The following XKR9 variants were observed in gnomAD, a reference collection of about 807,000 sequenced individuals.
XKR9 encodes XK-related protein 9.
Under a neutral mutation model 32.0 loss-of-function variants are expected in XKR9, and 32 were observed. The ratio of observed to expected loss-of-function variants is 1.00; its 90% CI spans 0.76 to 1.34. The LOEUF is 1.34. Ranked by LOEUF, XKR9 falls within the 40% of genes most tolerant of loss-of-function variation. The pLI, the probability that XKR9 is intolerant of heterozygous loss-of-function variation, is 0.00. For missense variants in XKR9, 546 were observed against 429.7 expected (o/e 1.27, Z -2.39); for synonymous variants, 168 against 143.4 (o/e 1.17, Z -1.22).
chr8:70,917,372 A>G, the XKR9 span, among the ~76,000 whole-genome samples: 1 of 152,230 alleles, frequency 6.6e-6, no homozygotes, highest in Non-Finnish European at 1.5e-5. Context: ...CTGGTGGAAT[A>G]TAAGCCACAG....
At chr8:70,984,003 C>T in the XKR9 span, among the ~76,000 whole-genome samples, 3 of 152,094 alleles carry the variant, frequency 2.0e-5, no homozygotes, top group South Asian at 2.1e-4. Context: ...GAGGAGCTTA[C>T]GCTACAAACT....
At chr8:71,061,321 C>T in the XKR9 span, among the ~76,000 whole-genome samples, 1 of 152,078 alleles carries the variant, frequency 6.6e-6, no homozygotes, top group Admixed American at 6.6e-5. Context: ...GACATACGGG[C>T]CTTCGGACAT....
At chr8:70,684,203 T>C (rs1819181893) in intron 3 of XKR9, among the ~76,000 whole-genome samples, 2 of 152,182 alleles carry the variant, frequency 1.3e-5, no homozygotes, top group Non-Finnish European at 1.5e-5. Flanking sequence ...TTCTATTAAT[T>C]CTATATAATT....
At chr8:70,694,116 C>A (rs1805173365) in intron 3 of XKR9, among the ~76,000 whole-genome samples, 1 of 152,178 alleles carries the variant, frequency 6.6e-6, no homozygotes, top group South Asian at 2.1e-4. Flanking sequence ...CTCAAATTTT[C>A]CAAAACCTAG....
chr8:70,813,575 G>C, the XKR9 span, among the ~76,000 whole-genome samples: 2 of 152,016 alleles, frequency 1.3e-5, no homozygotes, highest in East Asian at 3.9e-4. Context: ...AATCTACAAT[G>C]AACTCAAACA....
At chr8:70,902,766 GT>G in the XKR9 span, among the ~76,000 whole-genome samples, 1 of 152,142 alleles carries the variant, frequency 6.6e-6, no homozygotes, top group East Asian at 1.9e-4. Context: ...CTGTGGGTTT[GT>G]CATAAATAGC....
chr8:70,813,699 T>C, the XKR9 span, among the ~76,000 whole-genome samples: 1 of 152,320 alleles, frequency 6.6e-6, no homozygotes, highest in African/African-American at 2.4e-5. Context: ...AAAATTCTCT[T>C]CATCACTGGC....
chr8:70,735,979 A>G (rs1008089308), downstream of XKR9: 7 of 152,270 alleles, frequency 4.6e-5, no homozygotes, highest in African/African-American at 1.7e-4. Context: ...GTATATACCC[A>G]GTAATGGGAT....
intron 4 of XKR9, among the ~76,000 whole-genome samples, chr8:70,713,814 G>C (rs1196341419): frequency 6.6e-6 from 1 of 152,062 alleles, no homozygotes; most frequent in African/African-American, 2.4e-5. Context: ...CATTTAGAGA[G>C]ACCCTATTTA....
intron 3 of XKR9, among the ~76,000 whole-genome samples, chr8:70,691,408 A>G (rs1805065280): frequency 6.6e-6 from 1 of 152,036 alleles, no homozygotes. Context: ...AGAAGCTTTT[A>G]AGTTTAGTTA....
At chr8:70,975,066 G>T in the XKR9 span, among the ~76,000 whole-genome samples, 1 of 152,158 alleles carries the variant, frequency 6.6e-6, no homozygotes, top group South Asian at 2.1e-4. Flanking sequence ...CACATCATTT[G>T]CCCACTTTTT....
At chr8:70,680,166 TGAA>T (rs758054662) in intron 2 of XKR9, among the ~76,000 whole-genome samples, 20 of 152,170 alleles carry the variant, frequency 1.3e-4, no homozygotes, top group Non-Finnish European at 1.5e-5. Flanking sequence ...TAAAACATCT[TGAA>T]GATCTTCTGA....
At chr8:70,739,828 G>A (rs893368589), downstream of XKR9, among the ~76,000 whole-genome samples, 28 of 152,156 alleles carry the variant, frequency 1.8e-4, no homozygotes, top group African/African-American at 4.1e-4. Flanking sequence ...AGTTTCTGCC[G>A]AGAGATCCGC....
the XKR9 span, among the ~76,000 whole-genome samples, chr8:70,872,215 A>C: frequency 6.6e-6 from 1 of 152,224 alleles, no homozygotes; most frequent in Non-Finnish European, 1.5e-5. Context: ...AAACAGCCTT[A>C]TTGATTATAT....
chr8:70,992,570 C>A, the XKR9 span, among the ~76,000 whole-genome samples: 6 of 152,140 alleles, frequency 3.9e-5, no homozygotes, highest in Non-Finnish European at 8.8e-5. Context: ...GAGACCGGTG[C>A]AAGGATTATA....
the XKR9 span, among the ~76,000 whole-genome samples, chr8:70,969,189 G>C: frequency 1.3e-5 from 2 of 152,274 alleles, no homozygotes; most frequent in Admixed American, 1.3e-4. Flanking sequence ...AAACTTTAAA[G>C]CAAGAATTAG....
intron 2 of XKR9, among the ~76,000 whole-genome samples, chr8:70,760,447 T>C (rs867269467): frequency 1.3e-5 from 2 of 152,300 alleles, no homozygotes; most frequent in Middle Eastern, 3.4e-3. Context: ...TGAGGCATTA[T>C]TTTAATATTT....
the XKR9 span, among the ~76,000 whole-genome samples, chr8:70,797,470 C>T: frequency 2.6e-5 from 4 of 152,102 alleles, no homozygotes; most frequent in Non-Finnish European, 5.9e-5. Flanking sequence ...ATTCCTTCTT[C>T]TTCAACTCTT....
chr8:70,854,064 A>C, the XKR9 span, among the ~76,000 whole-genome samples: 12 of 151,954 alleles, frequency 7.9e-5, no homozygotes, highest in African/African-American at 2.9e-4. Flanking sequence ...TGCTGGGTCA[A>C]ATGTATTTCT....
Sources: allele counts gnomAD v4.1 joint callset (sites outside exome capture counted in the v4.1 genomes callset), GRCh38; gene constraint gnomAD v4.1.1; transcripts MANE v1.5; gene names NCBI Gene and HGNC (gene_info 2026-07-23, HGNC 2026-07-21).